The following PKIB variants were observed in gnomAD, a reference collection of about 807,000 sequenced individuals.
PKIB encodes the protein PKI-beta.
In PKIB, 2 loss-of-function variants were observed where a neutral mutation model predicts 4.5. That is an observed-to-expected ratio of 0.44 (90% confidence interval 0.18 to 1.39). The LOEUF (loss-of-function observed/expected upper bound fraction) is 1.39, where lower values mean the gene tolerates loss of function less well. PKIB is among the 40% of genes most tolerant of loss of function. The probability of loss-of-function intolerance (pLI) is 0.27; values close to 1 mark genes in which losing one functional copy is unlikely to be tolerated. For missense variants in PKIB, 94 were observed against 92.6 expected (o/e 1.02, Z -0.06); for synonymous variants, 38 against 36.0 (o/e 1.06, Z -0.20).
At chr6:122,587,264 A>G (rs1286425602) in intron 3 of PKIB, among the ~76,000 whole-genome samples, 2 of 152,110 alleles carry the variant, frequency 1.3e-5, no homozygotes, top group East Asian at 3.9e-4. Flanking sequence ...CCTATGAGTG[A>G]GAACATGCGG....
At chr6:122,613,226 C>T (rs1484286913) in intron 1 of PKIB, among the ~76,000 whole-genome samples, 5 of 152,010 alleles carry the variant, frequency 3.3e-5, no homozygotes, top group South Asian at 4.2e-4. Context: ...ACAATAAATT[C>T]GGTGGTTTTC....
chr6:122,609,715 T>A (rs1311087280), upstream of PKIB, among the ~76,000 whole-genome samples: 1 of 152,250 alleles, frequency 6.6e-6, no homozygotes, highest in Non-Finnish European at 1.5e-5. Flanking sequence ...AGTATCGTCG[T>A]CCATGTAATA....
intron 2 of PKIB, among the ~76,000 whole-genome samples, chr6:122,507,115 G>A (rs1259021310): frequency 3.3e-5 from 5 of 152,040 alleles, no homozygotes; most frequent in African/African-American, 1.2e-4. Flanking sequence ...AATGATCTGG[G>A]TTCTATTTAG....
chr6:122,626,973 G>T (rs1212148870), intron 1 of PKIB, among the ~76,000 whole-genome samples: 3 of 151,070 alleles, frequency 2.0e-5, no homozygotes, highest in Non-Finnish European at 4.4e-5. Context: ...GGTGGCTCAC[G>T]CCTGTAATCC....
chr6:122,640,510 C>T (rs1776081647), intron 2 of PKIB, among the ~76,000 whole-genome samples: 1 of 152,146 alleles, frequency 6.6e-6, no homozygotes, highest in Non-Finnish European at 1.5e-5. Context: ...TTGGACAACA[C>T]GTTGTGACAT....
chr6:122,567,219 C>G (rs540333291), intron 2 of PKIB, among the ~76,000 whole-genome samples: 1 of 152,164 alleles, frequency 6.6e-6, no homozygotes, highest in South Asian at 2.1e-4. Flanking sequence ...CATTTCTCTC[C>G]GAGTGTGTGC....
intron 3 of PKIB, among the ~76,000 whole-genome samples, chr6:122,688,714 T>C (rs1488477312): frequency 6.6e-6 from 1 of 152,100 alleles, no homozygotes; most frequent in Non-Finnish European, 1.5e-5. Context: ...TCTAGAAATT[T>C]ATCCATTTCT....
At chr6:122,483,029 G>A (rs1402873834) in intron 2 of PKIB, 1 of 151,890 alleles carries the variant, frequency 6.6e-6, no homozygotes, top group African/African-American at 2.4e-5. Context: ...CTTAAAATAG[G>A]GACTCAACCA....
chr6:122,518,022 G>A (rs1776815637), intron 2 of PKIB, among the ~76,000 whole-genome samples: 1 of 152,162 alleles, frequency 6.6e-6, no homozygotes, highest in Non-Finnish European at 1.5e-5. Flanking sequence ...AAAATTAAAT[G>A]AGTGCTGGCA....
intron 1 of PKIB, among the ~76,000 whole-genome samples, chr6:122,629,151 T>C (rs1175933424): frequency 6.6e-6 from 1 of 152,220 alleles, no homozygotes; most frequent in Admixed American, 6.5e-5. Flanking sequence ...TGCTTCATAA[T>C]ACTCTCTGTC....
chr6:122,715,431 G>A (rs1476832142), intron 3 of PKIB, among the ~76,000 whole-genome samples: 1 of 151,826 alleles, frequency 6.6e-6, no homozygotes, highest in African/African-American at 2.4e-5. Flanking sequence ...ACAGAGTGGA[G>A]GCCAGAAAAT....
rs145114384 is a variant in PKIB, at chr6:122,588,434, G to A, written c.-161+2427G>A. Among the ~76,000 whole-genome samples, 631 of 152,124 alleles carry A rather than the reference G, an allele frequency of 4.1e-3. 8 individuals are homozygous for A. Among genetic ancestry groups the A allele is most frequent in the African/African-American group, 0.014 (579 of 41,542 alleles). On this transcript the variant is annotated intron_variant, in intron 3 of 6. Coordinates refer to the PKIB transcript ENST00000392491. ...CAGAATTGGAAAAAACTACTTTAAA[G>A]TTCATATGGAACCAATAAAGAGCCT...
At chr6:122,637,969 C>A (rs968731369) in intron 2 of PKIB, among the ~76,000 whole-genome samples, 2 of 152,016 alleles carry the variant, frequency 1.3e-5, no homozygotes, top group African/African-American at 4.8e-5. Context: ...TATTTGCAAC[C>A]TCCTTGAGTA....
chr6:122,714,997 G>A (rs968015233), intron 3 of PKIB, among the ~76,000 whole-genome samples: 3 of 151,498 alleles, frequency 2.0e-5, no homozygotes, highest in African/African-American at 7.3e-5. Context: ...ATCTTGGCCA[G>A]GCTGGTCTCA....
At chr6:122,654,531 A>G (rs1000204889) in intron 2 of PKIB, among the ~76,000 whole-genome samples, 6 of 152,192 alleles carry the variant, frequency 3.9e-5, no homozygotes, top group Non-Finnish European at 7.3e-5. Flanking sequence ...TGTATTAATA[A>G]TGGGCATTTA....
In PKIB at chr6:122,576,708, A is replaced by AT. The variant is rs1260230833; in HGVS notation, c.-247-9212dup. 2.5e-4 allele frequency among the ~76,000 whole-genome samples: 29 copies of AT among 113,928 alleles called. 1 individual carries two copies. Among genetic ancestry groups the AT allele is most frequent in the African/African-American group, 1.1e-3 (29 of 25,622 alleles). 74.7% of individuals were successfully genotyped at this position (113,928 alleles called of 152,430 possible). ...AAAAAAAATATATATATATATATAT[A>AT]TATTTTCTTTTGTATAATTATACCT... On this transcript the variant is annotated intron_variant, in intron 2 of 6. Transcript: ENST00000392491.
chr6:122,595,274 A>G (rs1774144178), intron 3 of PKIB, among the ~76,000 whole-genome samples: 1 of 152,146 alleles, frequency 6.6e-6, no homozygotes, highest in East Asian at 1.9e-4. Flanking sequence ...CCTGCAAAAT[A>G]TTGTCACGTA....
rs1779905863 is a variant in PKIB, at chr6:122,725,156, A to G, written c.198A>G (p.Thr66=). Residue 66 remains threonine, a synonymous_variant, in exon 5 of 5, where the codon ACA becomes ACG. Transcript: ENST00000368452. ...CAAAAGAGAAAGATGAAAAAACAAC[A>G]CAAGACCAATTGGAAAAGCCTCAAA... The part of the protein sequence containing the change: ...EDAKEKDEKT[T]QDQLEKPQNE... 1 of 1,612,002 alleles carries G rather than the reference A, an allele frequency of 6.2e-7. No homozygotes were observed.
chr6:122,604,803 T>A (rs1400668076), intron 3 of PKIB, among the ~76,000 whole-genome samples: 1 of 152,214 alleles, frequency 6.6e-6, no homozygotes, highest in East Asian at 1.9e-4. Flanking sequence ...TCTTTTCATA[T>A]GCCCTGCTAC....
Sources: gnomAD v4.1 joint callset for allele counts (sites outside exome capture counted in the v4.1 genomes callset) on GRCh38, gnomAD v4.1.1 for gene constraint, MANE v1.5 for transcripts, NCBI Gene and HGNC (gene_info 2026-07-23, HGNC 2026-07-21) for gene names.